The following GTF2B variants were observed in gnomAD, a reference collection of about 807,000 sequenced individuals.
The protein encoded by GTF2B is transcription initiation factor IIB.
In GTF2B, 20 loss-of-function variants were observed where a neutral mutation model predicts 34.6. The observed-to-expected ratio is 0.58, with a 90% CI of 0.41 to 0.84. The LOEUF is 0.84. Ranked by LOEUF, GTF2B falls within the 40% of genes least tolerant of loss-of-function variation. The pLI, the probability that GTF2B is intolerant of heterozygous loss-of-function variation, is 0.00. For missense variants in GTF2B, 237 were observed against 393.3 expected, an observed-to-expected ratio of 0.60 and a Z score of 3.36; for synonymous variants, 142 against 132.4, an observed-to-expected ratio of 1.07 and a Z score of -0.50.
At position 88,891,476 on chromosome 1, in the gene GTF2B, T is replaced by G; in HGVS notation, c.17+7A>C. 6.2e-7 allele frequency: 1 copy of G among 1,602,362 alleles called. No homozygotes were observed. The highest frequency in any genetic ancestry group is 8.5e-7 in the Non-Finnish European group (1 of 1,173,866). ...TCAGCTCGCCGGGCTCGGCGGGACA[T>G]ACTAACCGGCTGGTAGACGCCATCT... On this transcript the variant is annotated splice_region_variant and intron_variant, in intron 1 of 6. Transcript: ENST00000370500.
At chr1:88,877,580 C>CGACATAATCATACAATTGGAATTTGG (rs1470748850) in intron 2 of GTF2B, among the ~76,000 whole-genome samples, 2 of 152,056 alleles carry the variant, frequency 1.3e-5, no homozygotes, top group Non-Finnish European at 2.9e-5. Context: ...ACTTTTAAAA[C>CGACATAATCATACAATTGGAATTTGG]GACATAATCA....
At chr1:88,867,136 C>A (rs1673578395) in intron 2 of GTF2B, among the ~76,000 whole-genome samples, 1 of 152,192 alleles carries the variant, frequency 6.6e-6, no homozygotes, top group Non-Finnish European at 1.5e-5. Flanking sequence ...AGAGATCACA[C>A]TAAAGAGATC....
chr1:88,887,194 C>G, intron 2 of GTF2B, 67 bp downstream of exon 2: 1 of 1,001,626 alleles, frequency 1.0e-6, no homozygotes, highest in Non-Finnish European at 1.6e-6. Context: ...GCTGGAATTA[C>G]AGGCGTGAGC....
chr1:88,856,341 T>A (rs1321252498), intron 6 of GTF2B, among the ~76,000 whole-genome samples: 2 of 150,838 alleles, frequency 1.3e-5, no homozygotes, highest in African/African-American at 4.9e-5. Flanking sequence ...GTGAAAGTTT[T>A]CCTACAACAC....
chr1:88,887,382 T>G lies in GTF2B; in HGVS notation c.18-15A>C, dbSNP rs766679402. ...GAGCATCCAAACTAAAAGAAAAAAG[T>G]TGTATTTTTACATCTTCCCAACCAA... On this transcript the variant is annotated splice_polypyrimidine_tract_variant and intron_variant, in intron 1 of 6. Transcript: ENST00000370500. The G allele has an allele frequency of 1.3e-6, 2 of 1,508,116 alleles. No individual in the cohort carries two copies. The highest frequency in any genetic ancestry group is 1.8e-6 in the Non-Finnish European group (2 of 1,084,054). 93.4% of individuals were successfully genotyped at this position (1,508,116 alleles called of 1,614,324 possible).
At chr1:88,865,574 A>G (rs968902710) in intron 2 of GTF2B, among the ~76,000 whole-genome samples, 2 of 152,210 alleles carry the variant, frequency 1.3e-5, no homozygotes, top group African/African-American at 4.8e-5. Context: ...ATACAAAATT[A>G]GTTGGTCATG....
rs139931929 is a variant in GTF2B at position 88,879,642 on chromosome 1, G to C, written c.124+7619C>G. Among the ~76,000 whole-genome samples the C allele has an allele frequency of 1.4e-3, 208 of 151,958 alleles. 1 individual carries two copies. The highest frequency in any genetic ancestry group is 4.7e-3 in the African/African-American group (195 of 41,434). ...TCTTAGTTGCTAACACAGATGAGAG[G>C]GTGACATATGGCTCTGATTATGCAA... On this transcript the variant is annotated intron_variant, in intron 2 of 6. Transcript: ENST00000370500.
intron 2 of GTF2B, among the ~76,000 whole-genome samples, chr1:88,867,137 T>TA (rs1245587373): frequency 1.3e-5 from 2 of 152,192 alleles, no homozygotes; most frequent in African/African-American, 4.8e-5. Context: ...GAGATCACAC[T>TA]AAAGAGATCA....
intron 3 of GTF2B, among the ~76,000 whole-genome samples, chr1:88,862,491 G>A (rs548110786): frequency 2.0e-5 from 3 of 152,150 alleles, no homozygotes; most frequent in Non-Finnish European, 2.9e-5. Context: ...GCAGTGAGAC[G>A]AGATCAAGCT....
chr1:88,887,411 G>GT, intron 1 of GTF2B, 44 bp from the exon 2 acceptor site: 1 of 1,132,010 alleles, frequency 8.8e-7, no homozygotes, highest in African/African-American at 1.5e-5. Flanking sequence ...CAACCAACAT[G>GT]TATCAAATTA....
At position 88,887,282 on chromosome 1, in the gene GTF2B, G is replaced by T; in HGVS notation, c.103C>A (p.Pro35Thr). 6.2e-7 allele frequency: 1 copy of T among 1,606,370 alleles called. No individual in the cohort carries two copies. The highest frequency in any genetic ancestry group is 8.5e-7 in the Non-Finnish European group (1 of 1,173,070). ...TCACCTACAACCAAGCCACATTCAG[G>T]ACAGATCATATCACCGGCTCTGTAG... is the stretch of plus-strand genomic sequence containing the variant. Reference protein sequence around the residue: ...EDYRAGDMICPECGLVVGDRV... With the variant: ...EDYRAGDMICTECGLVVGDRV... Residue 35 changes from proline (P) to threonine (T), a missense_variant, in exon 2 of 7, where the codon CCT becomes ACT. Transcript: ENST00000370500.
chr1:88,871,642 T>A (rs1673695691), intron 2 of GTF2B, among the ~76,000 whole-genome samples: 1 of 152,200 alleles, frequency 6.6e-6, no homozygotes, highest in African/African-American at 2.4e-5. Context: ...TAGTCATTAG[T>A]GCTGTTCCAA....
At chr1:88,867,269 T>C (rs545031597) in intron 2 of GTF2B, among the ~76,000 whole-genome samples, 29 of 152,340 alleles carry the variant, frequency 1.9e-4, no homozygotes, top group Non-Finnish European at 3.8e-4. Context: ...TTCGTTCATA[T>C]GTATGCACCT....
intron 1 of GTF2B, chr1:88,887,852 T>C (rs1299029140): frequency 3.9e-5 from 6 of 153,418 alleles, no homozygotes; most frequent in African/African-American, 1.4e-4. Flanking sequence ...AAATGAGGGA[T>C]GGTAGAAGTT....
At chr1:88,887,398 T>C (rs755514265) in intron 1 of GTF2B, 31 bp from the exon 2 acceptor site, 1 of 1,274,442 alleles carries the variant, frequency 7.8e-7, no homozygotes, top group Non-Finnish European at 1.1e-6. Context: ...TTTTACATCT[T>C]CCCAACCAAC....
At chr1:88,869,197 G>A (rs1385579454) in intron 2 of GTF2B, among the ~76,000 whole-genome samples, 1 of 152,190 alleles carries the variant, frequency 6.6e-6, no homozygotes, top group Non-Finnish European at 1.5e-5. Context: ...CACTACGTAA[G>A]TAATCTAAAG....
At chr1:88,863,819 A>T (rs946952574) in intron 3 of GTF2B, among the ~76,000 whole-genome samples, 162 bp downstream of exon 3, 1 of 152,216 alleles carries the variant, frequency 6.6e-6, no homozygotes, top group Admixed American at 6.5e-5. Context: ...GATGGAATAC[A>T]CACACAAGTT....
intron 2 of GTF2B, among the ~76,000 whole-genome samples, chr1:88,877,856 G>A (rs1021152247): frequency 2.6e-5 from 4 of 152,194 alleles, no homozygotes; most frequent in African/African-American, 9.7e-5. Context: ...ACTGGAACCC[G>A]GGAGGCAGAG....
chr1:88,854,555 T>G (rs1447574190), intron 6 of GTF2B, among the ~76,000 whole-genome samples: 1 of 152,164 alleles, frequency 6.6e-6, no homozygotes, highest in Non-Finnish European at 1.5e-5. Flanking sequence ...CAGGCTGGAG[T>G]GCAATGGCAA....
Sources: allele counts gnomAD v4.1 joint callset (sites outside exome capture counted in the v4.1 genomes callset), GRCh38; gene constraint gnomAD v4.1.1; transcripts MANE v1.5; gene names NCBI Gene and HGNC (gene_info 2026-07-23, HGNC 2026-07-21).